The following TFB1M variants were observed in gnomAD, a reference collection of about 807,000 sequenced individuals.
TFB1M encodes dimethyladenosine transferase 1, mitochondrial.
Under a neutral mutation model 31.1 loss-of-function variants are expected in TFB1M, and 27 were observed. The observed-to-expected ratio is 0.87, with a 90% CI of 0.64 to 1.20. The LOEUF (loss-of-function observed/expected upper bound fraction) is 1.20, where lower values mean the gene tolerates loss of function less well. Ranked by LOEUF, TFB1M falls within the 50% of genes most tolerant of loss-of-function variation. The pLI is 0.00. For synonymous variants in TFB1M, 166 were observed against 151.8 expected (o/e 1.09, Z -0.69); for missense variants, 394 against 418.7 (o/e 0.94, Z 0.51).
At chr6:155,287,381 A>C (rs1158975314) in intron 4 of TFB1M, among the ~76,000 whole-genome samples, 1 of 152,048 alleles carries the variant, frequency 6.6e-6, no homozygotes, top group East Asian at 1.9e-4. Flanking sequence ...AAATGAAAAA[A>C]ATAATAAAAA....
At chr6:155,247,261 G>A in the TFB1M span, among the ~76,000 whole-genome samples, 3 of 152,206 alleles carry the variant, frequency 2.0e-5, no homozygotes, top group Admixed American at 1.3e-4. Flanking sequence ...AAAAACACTG[G>A]TTTATTTTCC....
rs763128187 is a variant in TFB1M, at chr6:155,276,314, C to T, written c.666+8844G>A. ...AGAAGCTAGACTCGACCCACCCACACAGCAGCCTATCTCTAACACACAGCT... is the reference window on the plus strand; with the variant it reads ...AGAAGCTAGACTCGACCCACCCACATAGCAGCCTATCTCTAACACACAGCT... On this transcript the variant is annotated intron_variant, in intron 5 of 6. Transcript: ENST00000367166. 22 of 1,613,748 alleles carry T rather than the reference C, an allele frequency of 1.4e-5. No homozygotes were observed. In the South Asian group the frequency reaches 2.4e-4, roughly 18 times the overall value.
intron 4 of TFB1M, among the ~76,000 whole-genome samples, chr6:155,286,539 GTGTATATATGTGTGTATATATA>G (rs1776650027): frequency 7.0e-6 from 1 of 142,264 alleles, no homozygotes; most frequent in African/African-American, 2.8e-5. Flanking sequence ...ATATATACAT[GTGTATATATGTGTGTATATATA>G]TGTATATATA....
chr6:155,270,376 T>G (rs536995100), intron 5 of TFB1M, among the ~76,000 whole-genome samples: 2 of 152,288 alleles, frequency 1.3e-5, no homozygotes, highest in South Asian at 2.1e-4. Context: ...AAGATTAATA[T>G]CCCTTTAATG....
the TFB1M span, chr6:155,244,971 C>A: frequency 2.5e-5 from 16 of 634,600 alleles, no homozygotes; most frequent in Non-Finnish European, 3.5e-5. Flanking sequence ...ATTTTTTTTT[C>A]CTGGCGCAGG....
At chr6:155,240,765 A>G in the TFB1M span, 1 of 1,549,384 alleles carries the variant, frequency 6.5e-7, no homozygotes, top group Middle Eastern at 1.7e-4. Context: ...GGCAAGTGGT[A>G]TGCTGGCAGA....
chr6:155,262,080 C>T (rs989030575), intron 5 of TFB1M, among the ~76,000 whole-genome samples: 10 of 152,098 alleles, frequency 6.6e-5, no homozygotes, highest in African/African-American at 2.4e-4. Context: ...GAACAGTGCC[C>T]AGCTTGGAGA....
the TFB1M span, chr6:155,251,007 A>G: frequency 6.2e-7 from 1 of 1,613,926 alleles, no homozygotes; most frequent in Non-Finnish European, 8.5e-7. Context: ...AAGGACCTTG[A>G]GCTCACAGTA....
intron 6 of TFB1M, among the ~76,000 whole-genome samples, chr6:155,258,845 A>G (rs1156572153): frequency 6.6e-6 from 1 of 152,142 alleles, no homozygotes; most frequent in Non-Finnish European, 1.5e-5. Flanking sequence ...CATGTCCCCC[A>G]CACTTTCAGG....
chr6:155,276,870 T>G (rs1321216184), intron 5 of TFB1M, among the ~76,000 whole-genome samples: 4 of 152,224 alleles, frequency 2.6e-5, no homozygotes, highest in Non-Finnish European at 5.9e-5. Context: ...TCCATTCAGA[T>G]GCTGCTAAAA....
intron 4 of TFB1M, among the ~76,000 whole-genome samples, chr6:155,294,713 T>A (rs921605731): frequency 2.0e-5 from 3 of 152,186 alleles, no homozygotes; most frequent in African/African-American, 4.8e-5. Context: ...CTGGTGGGAA[T>A]ATAAACAGGC....
chr6:155,289,306 C>T (rs567356172), intron 4 of TFB1M, among the ~76,000 whole-genome samples: 1 of 152,234 alleles, frequency 6.6e-6, no homozygotes, highest in Non-Finnish European at 1.5e-5. Flanking sequence ...CCAGCAGCAT[C>T]GAGAACTTGC....
rs1784014410 is a variant in TFB1M at position 155,256,238 on chromosome 6, A to G, written c.*1598T>C. The stretch of plus-strand genomic sequence containing the variant: ...GTAGTAGTTTCTAGTGTCTAGTTCT[A>G]TTTACATAATTGAGCTCTGGTAATC... On this transcript the variant is annotated 3_prime_UTR_variant, in exon 7 of 7. Transcript: ENST00000367166. The G allele has an allele frequency of 1.5e-5, 9 of 605,448 alleles. No individual in the cohort carries two copies. Among genetic ancestry groups the G allele is most frequent in the South Asian group, 8.2e-5 (4 of 48,674 alleles). 37.5% of individuals were successfully genotyped at this position (605,448 alleles called of 1,614,324 possible). A position where few individuals can be genotyped will look rare whatever the true frequency, so the allele number is the denominator to read the frequency against.
At chr6:155,293,160 T>C (rs1489332653) in intron 4 of TFB1M, among the ~76,000 whole-genome samples, 1 of 151,710 alleles carries the variant, frequency 6.6e-6, no homozygotes, top group Non-Finnish European at 1.5e-5. Context: ...TTAAATATCA[T>C]ACATACATAC....
Position 155,256,282 on chromosome 6 carries a change from TAACTTAC to T in TFB1M, c.*1547_*1553del. ...GGTAATCTAAAAATGCTGAATTGCCTAACTTACAACTGTAAACCTAAGTCAAAAATGT... is the reference window on the plus strand; with the variant it reads ...GGTAATCTAAAAATGCTGAATTGCCTAACTGTAAACCTAAGTCAAAAATGT... On this transcript the variant is annotated 3_prime_UTR_variant, in exon 7 of 7. Transcript: ENST00000367166. The T allele has an allele frequency of 1.4e-6, 1 of 710,812 alleles. No homozygotes were observed. The highest frequency in any genetic ancestry group is 2.3e-6 in the Non-Finnish European group (1 of 436,910). 44.0% of individuals were successfully genotyped at this position (710,812 alleles called of 1,614,324 possible).
At chr6:155,253,161 T>C (rs1198236070), downstream of TFB1M, 1 of 906,292 alleles carries the variant, frequency 1.1e-6, no homozygotes, top group Admixed American at 2.2e-5. Flanking sequence ...CCTTTTATTT[T>C]ATAGACAAGG....
intron 5 of TFB1M, among the ~76,000 whole-genome samples, chr6:155,266,842 G>A (rs749832144): frequency 2.7e-4 from 17 of 61,828 alleles, no homozygotes; most frequent in African/African-American, 1.2e-3. Context: ...GCGAGACTCC[G>A]TCTCAAAAAA....
the TFB1M span, chr6:155,245,523 G>A: frequency 2.0e-6 from 2 of 983,680 alleles, no homozygotes; most frequent in South Asian, 1.4e-5. Context: ...AGGCATTAGT[G>A]CTATGGAATC....
At chr6:155,268,809 T>TGCGGAAG (rs1266266570) in intron 5 of TFB1M, among the ~76,000 whole-genome samples, 1 of 150,952 alleles carries the variant, frequency 6.6e-6, no homozygotes, top group Non-Finnish European at 1.5e-5. Flanking sequence ...ACACAAACAC[T>TGCGGAAG]GCGGAAGGCC....
Sources: gnomAD v4.1 joint callset for allele counts (sites outside exome capture counted in the v4.1 genomes callset) on GRCh38, gnomAD v4.1.1 for gene constraint, MANE v1.5 for transcripts, NCBI Gene and HGNC (gene_info 2026-07-23, HGNC 2026-07-21) for gene names.